The following ROS1 variants were observed in gnomAD, a reference collection of about 807,000 sequenced individuals.
ROS1 encodes the protein proto-oncogene tyrosine-protein kinase ROS.
ROS1 carries 263 observed loss-of-function variants against 273.5 expected under a neutral mutation model. The ratio of observed to expected loss-of-function variants is 0.96; its 90% confidence interval spans 0.87 to 1.06. The LOEUF (loss-of-function observed/expected upper bound fraction) is 1.06. Ranked by LOEUF, ROS1 falls within the 50% of genes least tolerant of loss-of-function variation. The pLI, the probability that ROS1 is intolerant of heterozygous loss-of-function variation, is 0.00. For synonymous variants in ROS1, 1,008 were observed against 954.1 expected, an observed-to-expected ratio of 1.06 and a Z score of -1.04; for missense variants, 2,833 against 2,751.1, an observed-to-expected ratio of 1.03 and a Z score of -0.67.
intron 7 of ROS1, among the ~76,000 whole-genome samples, chr6:117,399,719 C>T (rs1329856251): frequency 6.6e-6 from 1 of 152,218 alleles, no homozygotes; most frequent in Non-Finnish European, 1.5e-5. Flanking sequence ...GGCTTGAATG[C>T]TTTTCCTGGT....
In ROS1 at chr6:117,385,746, T is replaced by C. The variant is rs761544157; in HGVS notation, c.2226A>G (p.Gly742=). 7 of 1,614,058 alleles carry C rather than the reference T, an allele frequency of 4.3e-6. No individual in the cohort carries two copies. In the Admixed American group the frequency reaches 8.3e-5, roughly 19 times the overall value. Residue 742 remains glycine, a synonymous_variant, in exon 16 of 44, where the codon GGA becomes GGG. Coordinates refer to ENST00000368507, the MANE Select transcript of ROS1 (RefSeq NM_001378902.1). ...SENYHLPSIA[G]AGALAFEWLG... Reference sequence around the variant, plus strand: ...GCCACTCAAAAGCTAAAGCCCCTGCTCCTGCAATGCTGGGTAGGTGATAAT... The same window carrying C: ...GCCACTCAAAAGCTAAAGCCCCTGCCCCTGCAATGCTGGGTAGGTGATAAT...
chr6:117,371,935 G>C (rs1380253678), intron 18 of ROS1, among the ~76,000 whole-genome samples: 1 of 152,168 alleles, frequency 6.6e-6, no homozygotes, highest in Non-Finnish European at 1.5e-5. Flanking sequence ...AGGAGAGCCT[G>C]AGCTCAGACA....
At chr6:117,360,229 C>G in intron 23 of ROS1, 113 bp downstream of exon 23, 1 of 894,256 alleles carries the variant, frequency 1.1e-6, no homozygotes, top group Non-Finnish European at 1.7e-6. Context: ...TTGACCTAAA[C>G]TTTAGCAAAG....
At chr6:117,412,157 A>G (rs1286528373) in intron 4 of ROS1, among the ~76,000 whole-genome samples, 1 of 152,184 alleles carries the variant, frequency 6.6e-6, no homozygotes. Context: ...TGAAGTCAAG[A>G]CAGGCAGGCA....
Position 117,394,606 on chromosome 6 carries a change from T to C in ROS1, c.1006+10A>G, listed in dbSNP as rs368741601. 1.3e-6 allele frequency: 2 copies of C among 1,577,450 alleles called. No individual in the cohort carries two copies. Among genetic ancestry groups the C allele is most frequent in the African/African-American group, 1.4e-5 (1 of 73,518 alleles). On this transcript the variant is annotated intron_variant, in intron 10 of 43. Coordinates refer to ENST00000368507, the MANE Select transcript of ROS1 (RefSeq NM_001378902.1). ...CACACTAAGGAATCATTTATCCTTATCATACTGACCTGTAATATTATGGTA... is the reference window on the plus strand; with the variant it reads ...CACACTAAGGAATCATTTATCCTTACCATACTGACCTGTAATATTATGGTA...
rs1779941879 is a variant in ROS1, at chr6:117,363,098, T to C, written c.3104-233A>G. Reference sequence around the variant, plus strand: ...CTGACTGACAGGCAAGACTTCCTTATGTTCAACTCAAATCCTTCCTACTAC... The same window carrying C: ...CTGACTGACAGGCAAGACTTCCTTACGTTCAACTCAAATCCTTCCTACTAC... On this transcript the variant is annotated intron_variant, in intron 21 of 43. Coordinates refer to ENST00000368507, the MANE Select transcript of ROS1 (RefSeq NM_001378902.1). Among the ~76,000 whole-genome samples the C allele has an allele frequency of 2.6e-5, 4 of 152,206 alleles. No homozygotes were observed. In the South Asian group the frequency reaches 6.2e-4, roughly 24 times the overall value.
chr6:117,359,833 G>A lies in ROS1; in HGVS notation c.3609C>T (p.His1203=), dbSNP rs1779636696. 5.6e-6 allele frequency: 9 copies of A among 1,613,794 alleles called. No individual in the cohort carries two copies. Among genetic ancestry groups the A allele is most frequent in the Non-Finnish European group, 7.6e-6 (9 of 1,179,758 alleles). ...CCTCAGAGCTAGAGCGATTGTGCAA[G>A]TGCAGAAGAAAGAGTGAGTCCCCTT... is the stretch of plus-strand genomic sequence containing the variant. The part of the protein sequence containing the change: ...YAEGDSLFLL[H]LHNRSSSELF... The change falls in exon 24 of 44, where the codon CAC becomes CAT. Residue 1203 remains histidine (H), a synonymous_variant. Transcript: ENST00000368507.
intron 43 of ROS1, among the ~76,000 whole-genome samples, chr6:117,289,757 C>T (rs536408026): frequency 6.6e-6 from 1 of 152,222 alleles, no homozygotes; most frequent in Non-Finnish European, 1.5e-5. Context: ...AAAATTATCT[C>T]CCTAATAGAA....
At chr6:117,407,284 C>T (rs1287544903) in intron 5 of ROS1, among the ~76,000 whole-genome samples, 1 of 152,094 alleles carries the variant, frequency 6.6e-6, no homozygotes, top group Non-Finnish European at 1.5e-5. Context: ...GTCTACAGCT[C>T]GGTGGGAGGA....
chr6:117,322,415 T>C (rs1022656347), intron 35 of ROS1, among the ~76,000 whole-genome samples: 78 of 152,296 alleles, frequency 5.1e-4, no homozygotes, highest in African/African-American at 1.9e-3. Context: ...TCCTATGCAC[T>C]GTCTTACTTA....
chr6:117,407,002 C>G (rs1774460106), intron 5 of ROS1, among the ~76,000 whole-genome samples: 1 of 135,748 alleles, frequency 7.4e-6, no homozygotes, highest in African/African-American at 3.0e-5. Context: ...TGGCCTGGAG[C>G]ACATCAGTGC....
intron 27 of ROS1, among the ~76,000 whole-genome samples, chr6:117,352,121 C>T (rs1371273878): frequency 6.6e-6 from 1 of 152,168 alleles, no homozygotes; most frequent in Non-Finnish European, 1.5e-5. Context: ...CGCTCAGTCG[C>T]CCAGGCTGGA....
intron 17 of ROS1, among the ~76,000 whole-genome samples, chr6:117,381,721 CT>C (rs886548355): frequency 2.0e-5 from 3 of 152,134 alleles, no homozygotes; most frequent in African/African-American, 7.2e-5. Flanking sequence ...GTGCAGGTGT[CT>C]TTTTGATATA....
At chr6:117,395,052 G>A (rs1773381933) in intron 9 of ROS1, among the ~76,000 whole-genome samples, 1 of 152,170 alleles carries the variant, frequency 6.6e-6, no homozygotes, top group Non-Finnish European at 1.5e-5. Context: ...TTTCAGCCAT[G>A]AGAATTGGCT....
chr6:117,403,812 T>C (rs932535352), intron 6 of ROS1, among the ~76,000 whole-genome samples: 2 of 152,236 alleles, frequency 1.3e-5, no homozygotes, highest in African/African-American at 4.8e-5. Context: ...AAAATAAGCC[T>C]TAATGTTAAG....
In ROS1 at chr6:117,389,550, T is replaced by C; in HGVS notation, c.1586A>G (p.Gln529Arg). The change falls in exon 13 of 44, where the codon CAG (glutamine) becomes CGG (arginine). Residue 529 changes from glutamine to arginine, a missense_variant. Transcript: ENST00000368507. ...GAATTCATTAAAAGACAAAGCATCC[T>C]GTTGGAAAATGACCTTGCCATCTGT... is the stretch of plus-strand genomic sequence containing the variant. ...LVTDGKVIFQ[Q>R]DALSFNEFIV... is the part of the protein sequence containing the mutation. The C allele has an allele frequency of 6.2e-7, 1 of 1,614,206 alleles. No homozygotes were observed. The highest frequency in any genetic ancestry group is 8.5e-7 in the Non-Finnish European group (1 of 1,180,042).
Position 117,389,825 on chromosome 6 carries a change from T to C in ROS1, c.1311A>G (p.Arg437=). 1.9e-6 allele frequency: 3 copies of C among 1,608,304 alleles called. No homozygotes were observed. Among genetic ancestry groups the C allele is most frequent in the Non-Finnish European group, 2.6e-6 (3 of 1,175,130 alleles). The part of the protein sequence containing the change: ...SYNGYVFYLL[R]DGIYRADLPV... ...GAAGGTCTGCTCTATAAATGCCATCTCTCAGGAGGTAAAAGACATACCTGA... is the reference window on the plus strand; with the variant it reads ...GAAGGTCTGCTCTATAAATGCCATCCCTCAGGAGGTAAAAGACATACCTGA... Residue 437 remains arginine, a synonymous_variant, in exon 13 of 44, where the codon AGA becomes AGG. Coordinates refer to ENST00000368507, the MANE Select transcript of ROS1 (RefSeq NM_001378902.1).
chr6:117,331,484 A>T (rs1304160535), intron 32 of ROS1, among the ~76,000 whole-genome samples: 2 of 152,184 alleles, frequency 1.3e-5, no homozygotes, highest in East Asian at 3.9e-4. Flanking sequence ...TTCGGCAAAC[A>T]CAGAGAACAC....
chr6:117,337,712 C>T (rs1777582620), intron 31 of ROS1, among the ~76,000 whole-genome samples: 1 of 152,084 alleles, frequency 6.6e-6, no homozygotes, highest in Admixed American at 6.6e-5. Flanking sequence ...TGGATCAAAA[C>T]AATGGTAATT....
Sources: gnomAD v4.1 joint callset for allele counts (sites outside exome capture counted in the v4.1 genomes callset) on GRCh38, gnomAD v4.1.1 for gene constraint, MANE v1.5 for transcripts, NCBI Gene and HGNC (gene_info 2026-07-23, HGNC 2026-07-21) for gene names.